NVL: variants seen among roughly 807,000 people sequenced by gnomAD.
NVL encodes the protein nuclear valosin-containing protein-like.
A neutral mutation model predicts 110.2 loss-of-function variants in NVL; 84 were observed. The observed-to-expected ratio is 0.76, with a 90% CI of 0.64 to 0.91. The LOEUF (loss-of-function observed/expected upper bound fraction) is 0.91. Among genes scored for constraint, NVL ranks in the 40% least tolerant of loss-of-function variants. The probability of loss-of-function intolerance (pLI) is 0.00; values close to 1 mark genes in which losing one functional copy is unlikely to be tolerated. For synonymous variants in NVL, 354 were observed against 361.1 expected (o/e 0.98, Z 0.22); for missense variants, 882 against 1,035.9 (o/e 0.85, Z 2.04).
In NVL at chr1:224,301,106, CA is replaced by C. The variant is rs567496040; in HGVS notation, c.961-444del. On this transcript the variant is annotated intron_variant, in intron 9 of 22. Transcript: ENST00000281701. The stretch of plus-strand genomic sequence containing the variant: ...GGGCAACAAGAGCAAAACTCCATCT[CA>C]AAAAAAAAAAAAATCAACGGTTTCA... Among the ~76,000 whole-genome samples, 959 of 127,602 alleles carry C rather than the reference CA, an allele frequency of 7.5e-3. 11 individuals are homozygous for C. The highest frequency in any genetic ancestry group is 0.022 in the African/African-American group (744 of 34,452). The allele number at this position is 127,602 out of a possible 152,430, so 83.7% of individuals were successfully genotyped here.
rs1667006324 is a variant in NVL at position 224,287,810 on chromosome 1, C to T, written c.1759G>A (p.Glu587Lys). ...ATGGTGAGCTCCTCTCTAATGTCTTCCAGGGCACCAATATCTGCCCATGTC... is the reference window on the plus strand; with the variant it reads ...ATGGTGAGCTCCTCTCTAATGTCTTTCAGGGCACCAATATCTGCCCATGTC... ...NVTWADIGAL[E>K]DIREELTMAI... Residue 587 changes from glutamate (E) to lysine (K), a missense_variant, in exon 14 of 23, where the codon GAA becomes AAA. By Grantham distance (56) the Glu-to-Lys change is moderately conservative. Coordinates refer to ENST00000281701, the MANE Select transcript of NVL (RefSeq NM_002533.4). The T allele has an allele frequency of 1.9e-6, 3 of 1,614,000 alleles. No individual in the cohort carries two copies. Among genetic ancestry groups the T allele is most frequent in the Non-Finnish European group, 2.5e-6 (3 of 1,180,020 alleles).
chr1:224,291,819 A>G (rs1417644028), intron 12 of NVL, among the ~76,000 whole-genome samples: 1 of 152,238 alleles, frequency 6.6e-6, no homozygotes, highest in Non-Finnish European at 1.5e-5. Context: ...TGTTGTGAAA[A>G]TGGCTAACAG....
chr1:224,277,886 A>G (rs1665925472), intron 16 of NVL, among the ~76,000 whole-genome samples: 1 of 152,200 alleles, frequency 6.6e-6, no homozygotes, highest in Non-Finnish European at 1.5e-5. Flanking sequence ...CAGGCTTAGA[A>G]GGTCCGGGGT....
At chr1:224,313,445 T>G (rs1669755660) in intron 4 of NVL, among the ~76,000 whole-genome samples, 1 of 152,054 alleles carries the variant, frequency 6.6e-6, no homozygotes, top group Non-Finnish European at 1.5e-5. Context: ...GGAAAAAGAC[T>G]GATAGATTTG....
chr1:224,301,084 C>G (rs1168598158), intron 9 of NVL, among the ~76,000 whole-genome samples: 1 of 144,704 alleles, frequency 6.9e-6, no homozygotes, highest in East Asian at 2.2e-4. Context: ...CCAGCCTGGG[C>G]AACAAGAGCA....
At chr1:224,279,742 GA>G (rs1418953373) in intron 16 of NVL, among the ~76,000 whole-genome samples, 2 of 151,966 alleles carry the variant, frequency 1.3e-5, no homozygotes, top group Admixed American at 1.3e-4. Flanking sequence ...TCTAAAATAT[GA>G]TTTTAAAATG....
At chr1:224,308,849 C>T (rs1669215763) in intron 5 of NVL, among the ~76,000 whole-genome samples, 1 of 151,990 alleles carries the variant, frequency 6.6e-6, no homozygotes, top group Admixed American at 6.6e-5. Context: ...ATCACGAGGT[C>T]AGGAGATCAA....
intron 6 of NVL, among the ~76,000 whole-genome samples, chr1:224,307,600 T>C (rs910157396): frequency 4.0e-5 from 6 of 148,520 alleles, no homozygotes; most frequent in Non-Finnish European, 5.9e-5. Flanking sequence ...CATGGGAGGC[T>C]GAGGTGGGGG....
At chr1:224,278,351 G>A (rs1021800526) in intron 16 of NVL, among the ~76,000 whole-genome samples, 1 of 149,334 alleles carries the variant, frequency 6.7e-6, no homozygotes, top group Non-Finnish European at 1.5e-5. Flanking sequence ...TCCTGCCTCA[G>A]CTTCCTGAGT....
Position 224,289,493 on chromosome 1 carries a change from A to T in NVL, c.1566T>A (p.Ser522=). ...CCTTTAGAGAAAGCACCTGTGTTTCAGAAGTGGGCTCAGTTCCCAGCCTTT... is the reference window on the plus strand; with the variant it reads ...CCTTTAGAGAAAGCACCTGTGTTTCTGAAGTGGGCTCAGTTCCCAGCCTTT... The part of the protein sequence containing the change: ...QEERLGTEPT[S]ETQDELQRLL... The change falls in exon 13 of 23, where the codon TCT becomes TCA. Residue 522 remains serine (S), a synonymous_variant. Transcript: ENST00000281701. 6.2e-7 allele frequency: 1 copy of T among 1,614,092 alleles called. No individual in the cohort carries two copies. The highest frequency in any genetic ancestry group is 1.1e-5 in the South Asian group (1 of 91,054).
chr1:224,303,823 G>A lies in NVL; in HGVS notation c.860C>T (p.Pro287Leu), dbSNP rs752448705. Residue 287 changes from proline (P) to leucine (L), a missense_variant, in exon 9 of 23, where the codon CCG becomes CTG. Physicochemically the swap from Pro to Leu is moderately conservative, Grantham distance 98. Transcript: ENST00000281701. ...GACGCCCAGGTGGTGGTACACCTCC[G>A]GGTGACGCATGTGTATGAGCATCTT... ...VCKMLIHMRH[P>L]EVYHHLGVVP... is the part of the protein sequence containing the mutation. 37 of 1,613,670 alleles carry A rather than the reference G, an allele frequency of 2.3e-5. No homozygotes were observed. The highest frequency in any genetic ancestry group is 3.3e-5 in the South Asian group (3 of 90,996).
At chr1:224,235,509 AG>A (rs1473001323) in intron 20 of NVL, among the ~76,000 whole-genome samples, 2 of 152,098 alleles carry the variant, frequency 1.3e-5, no homozygotes, top group Non-Finnish European at 2.9e-5. Context: ...ATTCCTAATT[AG>A]GGGGTGAGGC....
rs746881363 is a variant in NVL, at chr1:224,296,621, A to T, written c.1063-3T>A. ...AAAATGATACATGGTGCATTTGACT[A>T]GAAATAAAAATATCACAAAAAGACA... On this transcript the variant is annotated splice_polypyrimidine_tract_variant and splice_region_variant and intron_variant, in intron 10 of 22. Transcript: ENST00000281701. 1 of 1,539,386 alleles carries T rather than the reference A, an allele frequency of 6.5e-7. No homozygotes were observed. The highest frequency in any genetic ancestry group is 2.3e-5 in the East Asian group (1 of 44,230).
intron 17 of NVL, among the ~76,000 whole-genome samples, chr1:224,271,970 C>A (rs372680016): frequency 6.6e-5 from 10 of 151,574 alleles, no homozygotes; most frequent in African/African-American, 1.9e-4. Flanking sequence ...GCCGAGATTG[C>A]GCCACTGCAC....
intron 13 of NVL, 56 bp downstream of exon 13, chr1:224,289,428 T>C: frequency 1.3e-6 from 2 of 1,583,316 alleles, no homozygotes; most frequent in Non-Finnish European, 1.7e-6. Flanking sequence ...TGCTTCAATG[T>C]AAGATAACAC....
At chr1:224,312,590 T>G (rs7537920) in intron 4 of NVL, 2 of 151,870 alleles carry the variant, frequency 1.3e-5, no homozygotes, top group African/African-American at 4.8e-5. Flanking sequence ...GAGGCCGAGG[T>G]GGGTGGATTA....
chr1:224,295,989 G>A (rs570603246), intron 11 of NVL, among the ~76,000 whole-genome samples: 80 of 147,152 alleles, frequency 5.4e-4, no homozygotes, highest in African/African-American at 2.0e-3. Flanking sequence ...AAAAAAGCCA[G>A]GCATGGTGGT....
chr1:224,271,886 C>A (rs1023444730), intron 17 of NVL, among the ~76,000 whole-genome samples: 3 of 151,636 alleles, frequency 2.0e-5, no homozygotes, highest in African/African-American at 7.3e-5. Context: ...TGGTGGTGTG[C>A]GCCTGTAATC....
chr1:224,327,819 TA>T (rs1268902444), intron 1 of NVL, among the ~76,000 whole-genome samples: 2 of 150,598 alleles, frequency 1.3e-5, no homozygotes, highest in Non-Finnish European at 1.5e-5. Flanking sequence ...GAAACCTCAA[TA>T]AAGTGAAGGA....
Sources: allele counts gnomAD v4.1 joint callset (sites outside exome capture counted in the v4.1 genomes callset), GRCh38; gene constraint gnomAD v4.1.1; transcripts MANE v1.5; gene names NCBI Gene and HGNC (gene_info 2026-07-23, HGNC 2026-07-21).